The following ERBB4 variants were observed in gnomAD, a reference collection of about 807,000 sequenced individuals.
ERBB4 encodes erb-b2 receptor tyrosine kinase 4, also known as receptor tyrosine-protein kinase erbB-4.
Under a neutral mutation model 158.0 loss-of-function variants are expected in ERBB4, and 42 were observed. The observed-to-expected ratio is 0.27, with a 90% CI of 0.21 to 0.34. The LOEUF (loss-of-function observed/expected upper bound fraction) is 0.34, where lower values mean the gene tolerates loss of function less well. Among genes scored for constraint, ERBB4 ranks in the 10% least tolerant of loss-of-function variants. ERBB4 has a pLI of 1.00. For synonymous variants in ERBB4, 583 were observed against 558.7 expected (o/e 1.04, Z -0.61); for missense variants, 1,333 against 1,624.1 (o/e 0.82, Z 3.08).
intron 1 of ERBB4, among the ~76,000 whole-genome samples, chr2:212,353,174 A>G (rs2089325682): frequency 6.6e-6 from 1 of 151,894 alleles, no homozygotes; most frequent in Non-Finnish European, 1.5e-5. Context: ...TCTGGCAATA[A>G]ATGCATGTCC....
At position 212,241,976 on chromosome 2, in the gene ERBB4, A is replaced by G. The variant is rs534730853; in HGVS notation, c.83-117073T>C. On this transcript the variant is annotated intron_variant, in intron 1 of 27. Coordinates refer to ENST00000342788, the MANE Select transcript of ERBB4 (RefSeq NM_005235.3). ...AGAAATAGGAGTCATAATTTGATGAATGAAAAAAAATTCAAATATGATTTT... is the reference window on the plus strand; with the variant it reads ...AGAAATAGGAGTCATAATTTGATGAGTGAAAAAAAATTCAAATATGATTTT... Among the ~76,000 whole-genome samples, 49 of 150,462 alleles carry G rather than the reference A, an allele frequency of 3.3e-4. 1 individual carries two copies. The South Asian group carries it at 6.0e-3, about 18-fold the overall frequency.
chr2:211,850,624 T>G (rs2077694918), intron 3 of ERBB4, among the ~76,000 whole-genome samples: 1 of 151,878 alleles, frequency 6.6e-6, no homozygotes, highest in Non-Finnish European at 1.5e-5. Context: ...GGTGGAAATA[T>G]TCATTTCAGC....
chr2:211,816,540 CAAAAAAAAAA>C (rs34323414), intron 3 of ERBB4, among the ~76,000 whole-genome samples: 1 of 65,888 alleles, frequency 1.5e-5, no homozygotes, highest in Non-Finnish European at 2.9e-5. Flanking sequence ...GAGCCCGTCT[CAAAAAAAAAA>C]AAAAAAAAAA....
At chr2:212,281,646 T>C (rs2085762957) in intron 1 of ERBB4, among the ~76,000 whole-genome samples, 1 of 151,842 alleles carries the variant, frequency 6.6e-6, no homozygotes, top group African/African-American at 2.4e-5. Flanking sequence ...CTGAAGTGTA[T>C]TGTTTCTAGA....
At chr2:212,079,799 G>T (rs547443600) in intron 2 of ERBB4, among the ~76,000 whole-genome samples, 1 of 151,952 alleles carries the variant, frequency 6.6e-6, no homozygotes, top group Non-Finnish European at 1.5e-5. Flanking sequence ...TTTCATAATG[G>T]TGTTCAGATT....
At chr2:212,223,604 A>G (rs1546718) in intron 1 of ERBB4, among the ~76,000 whole-genome samples, 72,705 of 150,916 alleles carry the variant, frequency 0.48, 17,915 homozygotes, top group East Asian at 0.76. Flanking sequence ...TTAGCATTTA[A>G]TTTGGAAAGC....
chr2:211,598,089 T>C (rs1421807551), intron 19 of ERBB4, among the ~76,000 whole-genome samples: 1 of 152,114 alleles, frequency 6.6e-6, no homozygotes, highest in Non-Finnish European at 1.5e-5. Context: ...TTAAACTCAC[T>C]ATACACCTCA....
intron 1 of ERBB4, among the ~76,000 whole-genome samples, chr2:212,301,129 T>TC (rs2086604720): frequency 6.6e-6 from 1 of 151,434 alleles, no homozygotes; most frequent in African/African-American, 2.4e-5. Context: ...TGCTTTTTTT[T>TC]TTTTTTAGCA....
intron 9 of ERBB4, among the ~76,000 whole-genome samples, chr2:211,711,616 G>T (rs1333670530): frequency 5.3e-5 from 8 of 152,030 alleles, no homozygotes; most frequent in Non-Finnish European, 1.2e-4. Context: ...GAAGCTCAGG[G>T]GAATTTCAAC....
At chr2:211,442,419 C>T (rs745653583) in intron 20 of ERBB4, among the ~76,000 whole-genome samples, 1 of 151,440 alleles carries the variant, frequency 6.6e-6, no homozygotes, top group Non-Finnish European at 1.5e-5. Context: ...TCCATCCAAC[C>T]ATCCATCTGG....
intron 18 of ERBB4, among the ~76,000 whole-genome samples, chr2:211,621,119 A>G (rs1244124895): frequency 2.0e-5 from 3 of 152,108 alleles, no homozygotes; most frequent in Non-Finnish European, 4.4e-5. Flanking sequence ...TGTCTCAAGA[A>G]TAAATACATA....
intron 3 of ERBB4, among the ~76,000 whole-genome samples, chr2:211,908,856 T>C (rs2079466750): frequency 6.6e-6 from 1 of 151,684 alleles, no homozygotes; most frequent in Non-Finnish European, 1.5e-5. Flanking sequence ...TTGGCCTTTA[T>C]TTATCTCATC....
chr2:211,910,042 C>T (rs995767737), intron 3 of ERBB4, among the ~76,000 whole-genome samples: 1 of 151,428 alleles, frequency 6.6e-6, no homozygotes, highest in African/African-American at 2.4e-5. Flanking sequence ...GCCTCAGCCT[C>T]CCAAGTAGCT....
At chr2:212,070,426 C>A (rs1218557764) in intron 2 of ERBB4, among the ~76,000 whole-genome samples, 1 of 152,024 alleles carries the variant, frequency 6.6e-6, no homozygotes, top group East Asian at 1.9e-4. Context: ...TTGGAGGATT[C>A]ATACTTTCTG....
rs868447801 is a variant in ERBB4, at chr2:212,439,621, C to A, written c.82+98828G>T. 3.3e-4 allele frequency among the ~76,000 whole-genome samples: 50 copies of A among 151,954 alleles called. 2 individuals carry two copies. The highest frequency in any genetic ancestry group is 2.5e-3 in the South Asian group (12 of 4,814). On this transcript the variant is annotated intron_variant, in intron 1 of 27. Coordinates refer to ENST00000342788, the MANE Select transcript of ERBB4 (RefSeq NM_005235.3). The stretch of plus-strand genomic sequence containing the variant: ...ATTATTTCTGTAGGTATGAAACTTA[C>A]AAAATATTAGTCATGTATTATTATG...
At chr2:211,712,546 A>G (rs1214555587) in intron 8 of ERBB4, among the ~76,000 whole-genome samples, 1 of 152,132 alleles carries the variant, frequency 6.6e-6, no homozygotes, top group Non-Finnish European at 1.5e-5. Context: ...ATTTTTAATG[A>G]TTTTGAAATG....
chr2:211,441,129 A>T (rs184636473), intron 20 of ERBB4, among the ~76,000 whole-genome samples: 1 of 152,178 alleles, frequency 6.6e-6, no homozygotes, highest in African/African-American at 2.4e-5. Context: ...CTTACTGTTG[A>T]TTTGGATGCC....
intron 2 of ERBB4, among the ~76,000 whole-genome samples, chr2:212,091,931 G>C (rs1472401714): frequency 1.3e-5 from 2 of 151,766 alleles, no homozygotes; most frequent in South Asian, 4.2e-4. Flanking sequence ...CTTTATATTA[G>C]TAAATGATCA....
At chr2:211,710,904 T>C (rs1409937678) in intron 9 of ERBB4, among the ~76,000 whole-genome samples, 1 of 151,982 alleles carries the variant, frequency 6.6e-6, no homozygotes, top group African/African-American at 2.4e-5. Context: ...AATTACCCAG[T>C]CTCGGGTGTG....
Sources: allele counts gnomAD v4.1 joint callset (sites outside exome capture counted in the v4.1 genomes callset), GRCh38; gene constraint gnomAD v4.1.1; transcripts MANE v1.5; gene names NCBI Gene and HGNC (gene_info 2026-07-23, HGNC 2026-07-21).